The following ABCC3 variants were observed in gnomAD, a reference collection of about 807,000 sequenced individuals.
ABCC3 encodes ATP binding cassette subfamily C member 3.
ABCC3 carries 121 observed loss-of-function variants against 165.3 expected under a neutral mutation model. That is an observed-to-expected ratio of 0.73 (90% CI 0.63 to 0.85). The LOEUF is 0.85. Among genes scored for constraint, ABCC3 ranks in the 40% least tolerant of loss-of-function variants. The pLI, the probability that ABCC3 is intolerant of heterozygous loss-of-function variation, is 0.00. For missense variants in ABCC3, 1,869 were observed against 1,964.1 expected (o/e 0.95, Z 0.92); for synonymous variants, 733 against 810.1 (o/e 0.90, Z 1.62).
chr17:50,672,219 A>G (rs1166076739), intron 17 of ABCC3, among the ~76,000 whole-genome samples: 1 of 152,176 alleles, frequency 6.6e-6, no homozygotes, highest in Non-Finnish European at 1.5e-5. Context: ...GAAGGAACAA[A>G]TATTTCAACC....
intron 10 of ABCC3, 134 bp downstream of exon 10, chr17:50,664,245 C>T: frequency 8.0e-7 from 1 of 1,242,752 alleles, no homozygotes; most frequent in Non-Finnish European, 1.1e-6. Context: ...GCAAGAGGAT[C>T]ACTTGAGCCC....
chr17:50,661,574 G>T (rs1483546029), intron 8 of ABCC3, among the ~76,000 whole-genome samples: 2 of 152,280 alleles, frequency 1.3e-5, no homozygotes, highest in African/African-American at 2.4e-5. Context: ...GGACTAGAAC[G>T]AGCTCTCAAA....
chr17:50,660,566 C>G (rs1007115239), intron 7 of ABCC3, among the ~76,000 whole-genome samples: 1 of 152,172 alleles, frequency 6.6e-6, no homozygotes, highest in Admixed American at 6.5e-5. Flanking sequence ...CACTCCACCC[C>G]CTCCCTGTTC....
chr17:50,687,324 C>T (rs1250208743), intron 29 of ABCC3: 1 of 553,968 alleles, frequency 1.8e-6, no homozygotes, highest in Non-Finnish European at 3.2e-6. Flanking sequence ...TTCACAATGC[C>T]TTTTAGCACT....
rs374431395 is a variant in ABCC3 at position 50,651,817 on chromosome 17, A to G, written c.46-4015A>G. Among the ~76,000 whole-genome samples, 111 of 152,336 alleles carry G rather than the reference A, an allele frequency of 7.3e-4. 3 individuals are homozygous for G. In the South Asian group the frequency reaches 0.022, roughly 30 times the overall value. ...TTTAACTCACTTATTTTCAACACTT[A>G]TGCTTGGATTGCCTATAAAGATGAG... On this transcript the variant is annotated intron_variant, in intron 1 of 30. Transcript: ENST00000285238.
chr17:50,655,203 C>G (rs111311926), intron 1 of ABCC3, among the ~76,000 whole-genome samples: 2,813 of 149,824 alleles, frequency 0.019, 85 homozygotes, highest in African/African-American at 0.066. Context: ...GTCAAGAGAT[C>G]GAGACCATCC....
At chr17:50,660,086 A>C (rs1967342553) in intron 7 of ABCC3, among the ~76,000 whole-genome samples, 1 of 152,144 alleles carries the variant, frequency 6.6e-6, no homozygotes, top group Non-Finnish European at 1.5e-5. Context: ...ATCCACATGG[A>C]GCCGGCTGGC....
rs370860497 is a variant in ABCC3 at position 50,683,745 on chromosome 17, G to A, written c.3943G>A (p.Gly1315Ser). The part of the protein sequence containing the change: ...VLRDLSLHVH[G>S]GEKVGIVGRT... ...GAGAGACCTGAGTCTGCATGTGCAC[G>A]GTGGCGAGAAGGTACGCGTGGGGTA... The change falls in exon 27 of 31, where the codon GGT becomes AGT. Residue 1315 changes from glycine to serine, a missense_variant. By Grantham distance (56) the Gly-to-Ser change is moderately conservative. Transcript: ENST00000285238. 2.1e-5 allele frequency: 33 copies of A among 1,604,762 alleles called. 1 individual carries two copies. The South Asian group carries it at 2.3e-4, about 11-fold the overall frequency.
At position 50,691,588 on chromosome 17, in the gene ABCC3, G is replaced by A. The variant is rs977450942; in HGVS notation, c.*388G>A. ...TAAAAAGCTTTTTCCTCCTGGAACAGAAGACAGCTGCTGGGTCAGGCCACC... is the reference window on the plus strand; with the variant it reads ...TAAAAAGCTTTTTCCTCCTGGAACAAAAGACAGCTGCTGGGTCAGGCCACC... On this transcript the variant is annotated 3_prime_UTR_variant, in exon 31 of 31. Transcript: ENST00000285238. The A allele has an allele frequency of 9.0e-6, 2 of 221,768 alleles. No individual in the cohort carries two copies. Among genetic ancestry groups the A allele is most frequent in the African/African-American group, 4.6e-5 (2 of 43,642 alleles). 13.7% of individuals were successfully genotyped at this position (221,768 alleles called of 1,614,324 possible). A position where few individuals can be genotyped will look rare whatever the true frequency, so the allele number is the denominator to read the frequency against.
At position 50,655,834 on chromosome 17, in the gene ABCC3, C is replaced by T; in HGVS notation, c.48C>T (p.Asp16=). ...GSGELGSKFW[D]SNLSVHTENP... Reference sequence around the variant, plus strand: ...TAAACTGTTCTCTGTGTCCCCAGGACTCCAACCTGTCTGTGCACACAGAAA... The same window carrying T: ...TAAACTGTTCTCTGTGTCCCCAGGATTCCAACCTGTCTGTGCACACAGAAA... The change falls in exon 2 of 31, where the codon GAC becomes GAT. Residue 16 remains aspartate, a splice_region_variant and synonymous_variant. Transcript: ENST00000285238. The T allele has an allele frequency of 1.9e-6, 3 of 1,613,952 alleles. No individual in the cohort carries two copies. Among genetic ancestry groups the T allele is most frequent in the Middle Eastern group, 1.6e-4 (1 of 6,062 alleles).
chr17:50,674,704 A>G (rs575239106), intron 19 of ABCC3, among the ~76,000 whole-genome samples: 240 of 151,970 alleles, frequency 1.6e-3, no homozygotes, highest in Middle Eastern at 3.5e-3. Context: ...GCCTATGGCT[A>G]TACATACAGC....
At chr17:50,645,710 C>T (rs950415790) in intron 1 of ABCC3, among the ~76,000 whole-genome samples, 3 of 152,144 alleles carry the variant, frequency 2.0e-5, no homozygotes, top group Admixed American at 6.5e-5. Flanking sequence ...AAGAGATCCT[C>T]CCGCCTTAGC....
rs1305871584 is a variant in ABCC3 at position 50,673,109 on chromosome 17, A to G, written c.2380A>G (p.Ile794Val). 8 of 1,613,988 alleles carry G rather than the reference A, an allele frequency of 5.0e-6. No homozygotes were observed. In the Admixed American group the frequency reaches 8.3e-5, roughly 17 times the overall value. The change falls in exon 18 of 31, where the codon ATC (isoleucine) becomes GTC (valine). Residue 794 changes from isoleucine to valine, a missense_variant. Coordinates refer to ENST00000285238, the MANE Select transcript of ABCC3 (RefSeq NM_003786.4). ...HVAKHIFDHV[I>V]GPEGVLAGKT... ...GGCCAAGCACATCTTTGACCACGTC[A>G]TCGGGCCAGAAGGCGTGCTGGCAGG... is the stretch of plus-strand genomic sequence containing the variant.
chr17:50,684,066 G>A lies in ABCC3; in HGVS notation c.4072G>A (p.Gly1358Ser), dbSNP rs187814086. 9.3e-6 allele frequency: 15 copies of A among 1,613,232 alleles called. No individual in the cohort carries two copies. In the Admixed American group the frequency reaches 1.5e-4, roughly 16 times the overall value. ...TGATGGCCTCAATGTGGCAGACATCGGCCTCCATGACCTGCGCTCTCAGCT... is the reference window on the plus strand; with the variant it reads ...TGATGGCCTCAATGTGGCAGACATCAGCCTCCATGACCTGCGCTCTCAGCT... ...RIDGLNVADI[G>S]LHDLRSQLTI... Residue 1358 changes from glycine (G) to serine (S), a missense_variant, in exon 28 of 31, where the codon GGC becomes AGC. By Grantham distance (56) the Gly-to-Ser change is moderately conservative. Coordinates refer to ENST00000285238, the MANE Select transcript of ABCC3 (RefSeq NM_003786.4).
rs540395779 is a variant in ABCC3, at chr17:50,678,511, G to A, written c.3705+292G>A. ...TCCTCAAACCCCACATCTCTCTCCT[G>A]CTCAGCCGTCGACCTTGCCTGACAC... is the stretch of plus-strand genomic sequence containing the variant. On this transcript the variant is annotated intron_variant, in intron 25 of 30. Transcript: ENST00000285238. 3.9e-4 allele frequency among the ~76,000 whole-genome samples: 59 copies of A among 152,278 alleles called. 2 individuals carry two copies. The South Asian group carries it at 5.2e-3, about 13-fold the overall frequency.
chr17:50,644,715 A>C (rs1966965301), intron 1 of ABCC3, among the ~76,000 whole-genome samples: 1 of 151,040 alleles, frequency 6.6e-6, no homozygotes, highest in South Asian at 2.1e-4. Flanking sequence ...CCGTCTCAAA[A>C]CCAAAACAAA....
intron 1 of ABCC3, among the ~76,000 whole-genome samples, chr17:50,651,900 G>C (rs1258285564): frequency 6.6e-6 from 1 of 151,994 alleles, no homozygotes; most frequent in African/African-American, 2.4e-5. Flanking sequence ...ATAATATAAA[G>C]ACAACATAAG....
At position 50,667,488 on chromosome 17, in the gene ABCC3, G is replaced by A. The variant is rs1967547890; in HGVS notation, c.1432-66G>A. The A allele has an allele frequency of 5.7e-6, 8 of 1,403,192 alleles. No individual in the cohort carries two copies. In the Admixed American group the frequency reaches 1.4e-4, roughly 25 times the overall value. The allele number at this position is 1,403,192 out of a possible 1,614,324, so 86.9% of individuals were successfully genotyped here. On this transcript the variant is annotated intron_variant, in intron 11 of 30. Transcript: ENST00000285238. Reference sequence around the variant, plus strand: ...ATGGATGAGAATGGATGGAAGGTAGGACCCTGTGAGCAGGAGGTCAGGGGA... The same window carrying A: ...ATGGATGAGAATGGATGGAAGGTAGAACCCTGTGAGCAGGAGGTCAGGGGA...
Position 50,641,379 on chromosome 17 carries a change from G to A in ABCC3, c.45+6398G>A, listed in dbSNP as rs149789254. ...GAGAGGAGAGCCTTGAGTAGGGATC[G>A]TCATCCTGCCCTGCAGGGATTCAGG... On this transcript the variant is annotated intron_variant, in intron 1 of 30. Coordinates refer to ENST00000285238, the MANE Select transcript of ABCC3 (RefSeq NM_003786.4). Among the ~76,000 whole-genome samples the A allele has an allele frequency of 5.1e-3, 774 of 152,242 alleles. 3 individuals are homozygous for A. Among genetic ancestry groups the A allele is most frequent in the African/African-American group, 0.018 (736 of 41,560 alleles).
Sources: allele counts gnomAD v4.1 joint callset (sites outside exome capture counted in the v4.1 genomes callset), GRCh38; gene constraint gnomAD v4.1.1; transcripts MANE v1.5; gene names NCBI Gene and HGNC (gene_info 2026-07-23, HGNC 2026-07-21).